YME1L1: variants seen among roughly 807,000 people sequenced by gnomAD.
The protein encoded by YME1L1 is ATP-dependent zinc metalloprotease YME1L1.
A neutral mutation model predicts 90.4 loss-of-function variants in YME1L1; 39 were observed. That is an observed-to-expected ratio of 0.43 (90% CI 0.33 to 0.56). The LOEUF (loss-of-function observed/expected upper bound fraction) is 0.56, where lower values mean the gene tolerates loss of function less well. Among genes scored for constraint, YME1L1 ranks in the 20% least tolerant of loss-of-function variants. YME1L1 has a pLI of 0.03. For missense variants in YME1L1, 617 were observed against 868.4 expected, an observed-to-expected ratio of 0.71 and a Z score of 3.64; for synonymous variants, 284 against 287.3, an observed-to-expected ratio of 0.99 and a Z score of 0.12.
chr10:27,117,492 C>T (rs1000316782), intron 15 of YME1L1, 84 bp downstream of exon 15: 10 of 1,414,786 alleles, frequency 7.1e-6, no homozygotes, highest in Middle Eastern at 2.6e-4. Context: ...CGTTTGAATC[C>T]GGAAGGCAGA....
At chr10:27,116,396 C>G in intron 15 of YME1L1, 51 bp from the exon 16 acceptor site, 1 of 1,597,600 alleles carries the variant, frequency 6.3e-7, no homozygotes. Context: ...AGGCTGGGTG[C>G]GGTGGCTCAC....
rs1233597844 is a variant in YME1L1, at chr10:27,110,651, C to T, written c.*1326G>A. The T allele has an allele frequency of 2.0e-5, 3 of 152,232 alleles. No homozygotes were observed. Among genetic ancestry groups the T allele is most frequent in the African/African-American group, 7.2e-5 (3 of 41,556 alleles). The allele number at this position is 152,232 out of a possible 1,614,324, so 9.4% of individuals were successfully genotyped here. ...TTGGCATTTCTGACGCAGGGTAACA[C>T]AAAGTTCACTTCGGAGGGGACTGAG... On this transcript the variant is annotated 3_prime_UTR_variant, in exon 19 of 19. Transcript: ENST00000376016.
intron 14 of YME1L1, among the ~76,000 whole-genome samples, chr10:27,118,746 A>G (rs768564205): frequency 7.9e-5 from 12 of 152,256 alleles, no homozygotes; most frequent in Non-Finnish European, 1.6e-4. Context: ...CAAGAATATC[A>G]TAATTAATGT....
intron 3 of YME1L1, among the ~76,000 whole-genome samples, chr10:27,143,788 A>G (rs1444204055): frequency 6.6e-6 from 1 of 152,056 alleles, no homozygotes; most frequent in Non-Finnish European, 1.5e-5. Flanking sequence ...TGTTTCTTAG[A>G]GACAATTTCA....
chr10:27,135,048 C>T, intron 5 of YME1L1, 67 bp from the exon 6 acceptor site: 1 of 1,457,888 alleles, frequency 6.9e-7, no homozygotes, highest in South Asian at 1.4e-5. Context: ...AATATTGTGA[C>T]CACTCAAAAA....
At chr10:27,127,855 T>G (rs962339061) in intron 8 of YME1L1, among the ~76,000 whole-genome samples, 1 of 152,080 alleles carries the variant, frequency 6.6e-6, no homozygotes, top group Non-Finnish European at 1.5e-5. Context: ...TCAATGAAAT[T>G]TATGGTTAAA....
At chr10:27,148,747 G>A (rs544136143) in intron 2 of YME1L1, among the ~76,000 whole-genome samples, 159 bp downstream of exon 2, 1 of 144,642 alleles carries the variant, frequency 6.9e-6, no homozygotes, top group South Asian at 2.1e-4. Context: ...AAGGCTTCCT[G>A]GTCAATAGTA....
rs771306278 is a variant in YME1L1, at chr10:27,111,969, G to A, written c.*8C>T. On this transcript the variant is annotated 3_prime_UTR_variant, in exon 19 of 19. Transcript: ENST00000376016. ...TAAAACCAGCAAGCATCCATATCAA[G>A]AGAGTTATCATCTCACTTCCAACTT... 2 of 1,613,912 alleles carry A rather than the reference G, an allele frequency of 1.2e-6. No individual in the cohort carries two copies. Among genetic ancestry groups the A allele is most frequent in the South Asian group, 1.1e-5 (1 of 91,056 alleles).
intron 4 of YME1L1, among the ~76,000 whole-genome samples, chr10:27,138,659 T>C (rs998274406): frequency 6.6e-6 from 1 of 152,192 alleles, no homozygotes; most frequent in African/African-American, 2.4e-5. Flanking sequence ...GTATGGACAA[T>C]GCAGTGAACT....
At chr10:27,114,297 A>T (rs1373398498) in intron 18 of YME1L1, among the ~76,000 whole-genome samples, 1 of 152,210 alleles carries the variant, frequency 6.6e-6, no homozygotes, top group African/African-American at 2.4e-5. Flanking sequence ...GTCCAGGTTC[A>T]TGAACAGAGA....
intron 2 of YME1L1, chr10:27,146,320 G>A (rs974468567): frequency 5.3e-5 from 8 of 151,998 alleles, no homozygotes; most frequent in Non-Finnish European, 1.0e-4. Context: ...TTCTAATAAA[G>A]AAGAAAATTA....
chr10:27,114,670 A>G, intron 17 of YME1L1, 63 bp from the exon 18 acceptor site: 1 of 1,225,428 alleles, frequency 8.2e-7, no homozygotes, highest in Non-Finnish European at 1.2e-6. Context: ...AATTTGAAAG[A>G]GAAAGTACTA....
At position 27,148,990 on chromosome 10, in the gene YME1L1, G is replaced by GT; in HGVS notation, c.83dup (p.Asn28LysfsTer22). ...ACACTCCACTGAGAGAAACAGAAGTGTTTTTTGGTGTATGGAAGGCATTGA... is the reference window on the plus strand; with the variant it reads ...ACACTCCACTGAGAGAAACAGAAGTGTTTTTTTGGTGTATGGAAGGCATTGA... On this transcript the variant is annotated frameshift_variant, in exon 2 of 19. Transcript: ENST00000376016. LOFTEE classifies it high-confidence loss of function. 1 of 1,613,890 alleles carries GT rather than the reference G, an allele frequency of 6.2e-7. No homozygotes were observed. The highest frequency in any genetic ancestry group is 8.5e-7 in the Non-Finnish European group (1 of 1,179,890).
chr10:27,115,972 A>G (rs905621665), intron 17 of YME1L1, 88 bp downstream of exon 17: 10 of 1,186,888 alleles, frequency 8.4e-6, no homozygotes, highest in African/African-American at 7.7e-5. Flanking sequence ...GAAAAAGTGA[A>G]TATTACCAAT....
intron 8 of YME1L1, among the ~76,000 whole-genome samples, chr10:27,130,618 G>C (rs1389436456): frequency 6.6e-6 from 1 of 152,176 alleles, no homozygotes; most frequent in African/African-American, 2.4e-5. Context: ...CCAGCACTTT[G>C]ATCTGCGTGG....
At chr10:27,138,894 A>C (rs1193663527) in intron 4 of YME1L1, among the ~76,000 whole-genome samples, 1 of 152,128 alleles carries the variant, frequency 6.6e-6, no homozygotes, top group Non-Finnish European at 1.5e-5. Flanking sequence ...ATAAATTTTA[A>C]GTTTCCTTCC....
intron 9 of YME1L1, among the ~76,000 whole-genome samples, chr10:27,124,291 A>T (rs1283779905): frequency 6.6e-6 from 1 of 152,210 alleles, no homozygotes; most frequent in Non-Finnish European, 1.5e-5. Flanking sequence ...ATACACACAT[A>T]ACACAGAAAG....
rs1009276460 is a variant in YME1L1 at position 27,142,207 on chromosome 10, C to T, written c.430+180G>A. On this transcript the variant is annotated intron_variant, in intron 4 of 18. Coordinates refer to ENST00000376016, the MANE Select transcript of YME1L1 (RefSeq NM_014263.4). ...TGGCACTATCACGCTCAAAATTTAG[C>T]TCCTATATATTTTCCAGATTAAAAA... is the stretch of plus-strand genomic sequence containing the variant. Among the ~76,000 whole-genome samples, 6 of 152,098 alleles carry T rather than the reference C, an allele frequency of 3.9e-5. No homozygotes were observed. The East Asian group carries it at 1.2e-3, about 29-fold the overall frequency.
chr10:27,126,651 T>G, intron 9 of YME1L1, 45 bp downstream of exon 9: 1 of 1,086,560 alleles, frequency 9.2e-7, no homozygotes, highest in Non-Finnish European at 1.3e-6. Context: ...TGTTTCTTTG[T>G]TTTTGTTTTT....
Sources: allele counts gnomAD v4.1 joint callset (sites outside exome capture counted in the v4.1 genomes callset), GRCh38; gene constraint gnomAD v4.1.1; transcripts MANE v1.5; gene names NCBI Gene and HGNC (gene_info 2026-07-23, HGNC 2026-07-21).